NPHP1: variants seen among roughly 807,000 people sequenced by gnomAD.
The protein encoded by NPHP1 is nephrocystin 1.
Under a neutral mutation model 90.4 loss-of-function variants are expected in NPHP1, and 70 were observed. The observed-to-expected ratio is 0.77, with a 90% CI of 0.64 to 0.95. The LOEUF (loss-of-function observed/expected upper bound fraction) is 0.95, where lower values mean the gene tolerates loss of function less well. Ranked by LOEUF, NPHP1 falls within the 40% of genes least tolerant of loss-of-function variation. The probability of loss-of-function intolerance (pLI) is 0.00; values close to 1 mark genes in which losing one functional copy is unlikely to be tolerated. For synonymous variants in NPHP1, 256 were observed against 271.7 expected (o/e 0.94, Z 0.57); for missense variants, 764 against 795.9 (o/e 0.96, Z 0.48).
intron 4 of NPHP1, among the ~76,000 whole-genome samples, chr2:110,177,744 ATT>A (rs60724853): frequency 6.8e-6 from 1 of 146,006 alleles, no homozygotes; most frequent in African/African-American, 2.5e-5. Context: ...CCCTACTTCA[ATT>A]TTTTTTTTTT....
Position 110,179,694 on chromosome 2 carries a change from G to GAA in NPHP1, c.144-12_144-11dup, listed in dbSNP as rs762119782. On this transcript the variant is annotated splice_polypyrimidine_tract_variant and intron_variant, in intron 2 of 19. Transcript: ENST00000445609. ...CTTTAACTGGATACATCTAAATTAA[G>GAA]AAAAAAAAGAAAATATATTGATTTT... 1 of 1,102,852 alleles carries GAA rather than the reference G, an allele frequency of 9.1e-7. No individual in the cohort carries two copies. Among genetic ancestry groups the GAA allele is most frequent in the Non-Finnish European group, 1.4e-6 (1 of 738,948 alleles). 68.3% of individuals were successfully genotyped at this position (1,102,852 alleles called of 1,614,324 possible). A position where few individuals can be genotyped will look rare whatever the true frequency, so the allele number is the denominator to read the frequency against.
At position 110,197,638 on chromosome 2, in the gene NPHP1, T is replaced by C. The variant is rs188577521; in HGVS notation, c.143+3783A>G. Among the ~76,000 whole-genome samples, 126 of 152,194 alleles carry C rather than the reference T, an allele frequency of 8.3e-4. 1 individual carries two copies. In the East Asian group the frequency reaches 0.015, roughly 18 times the overall value. ...ACTGAGGGTATGGACTTTGTAACCA[T>C]GAGGAGAGACATCACCAACAAGCAA... On this transcript the variant is annotated intron_variant, in intron 2 of 19. Coordinates refer to ENST00000445609, the MANE Select transcript of NPHP1 (RefSeq NM_001128178.3).
intron 2 of NPHP1, 30 bp downstream of exon 2, chr2:110,201,391 G>A (rs1423797585): frequency 4.2e-6 from 6 of 1,425,036 alleles, no homozygotes; most frequent in Non-Finnish European, 5.9e-6. Context: ...TGCGGTTCCT[G>A]TAAAGCTTAT....
chr2:110,172,962 CTTTT>C (rs559012343), intron 4 of NPHP1, among the ~76,000 whole-genome samples: 1 of 136,094 alleles, frequency 7.3e-6, no homozygotes, highest in Non-Finnish European at 1.6e-5. Flanking sequence ...TTTTCTTTTT[CTTTT>C]TTTTTTTTTT....
At chr2:110,143,735 G>C in intron 15 of NPHP1, 94 bp from the exon 16 acceptor site, 1 of 861,464 alleles carries the variant, frequency 1.2e-6, no homozygotes, top group East Asian at 2.5e-5. Context: ...ATACCACCCA[G>C]TAGTGCTGAA....
chr2:110,162,585 G>A (rs1682423746), intron 9 of NPHP1, among the ~76,000 whole-genome samples: 1 of 152,136 alleles, frequency 6.6e-6, no homozygotes. Context: ...AGCCAAGAAT[G>A]AGTAAGGAAA....
intron 14 of NPHP1, 61 bp downstream of exon 14, chr2:110,146,692 G>C: frequency 1.7e-6 from 2 of 1,207,350 alleles, no homozygotes; most frequent in South Asian, 1.2e-5. Context: ...GAGGTATCAA[G>C]AGTCTAAAAA....
At chr2:110,203,240 A>G (rs1228984957) in intron 1 of NPHP1, among the ~76,000 whole-genome samples, 3 of 151,718 alleles carry the variant, frequency 2.0e-5, no homozygotes, top group Admixed American at 6.6e-5. Context: ...AGCAATGGAC[A>G]CTGGTGACTG....
intron 2 of NPHP1, among the ~76,000 whole-genome samples, chr2:110,190,477 G>A (rs1197577372): frequency 6.6e-6 from 1 of 152,190 alleles, no homozygotes; most frequent in Non-Finnish European, 1.5e-5. Context: ...TGGCTGGCTG[G>A]CCGCTCCAAG....
At chr2:110,180,103 C>T (rs1683783217) in intron 2 of NPHP1, among the ~76,000 whole-genome samples, 2 of 152,084 alleles carry the variant, frequency 1.3e-5, no homozygotes, top group South Asian at 2.1e-4. Flanking sequence ...TCATAACAAC[C>T]CTCACTCCAC....
chr2:110,196,276 A>G (rs1685159145), intron 2 of NPHP1, among the ~76,000 whole-genome samples: 1 of 152,186 alleles, frequency 6.6e-6, no homozygotes, highest in Non-Finnish European at 1.5e-5. Context: ...GCTAATATAC[A>G]GAATCTACAA....
chr2:110,129,390 T>C, intron 17 of NPHP1, 131 bp from the exon 18 acceptor site: 1 of 767,866 alleles, frequency 1.3e-6, no homozygotes, highest in Non-Finnish European at 2.3e-6. Flanking sequence ...CTACACACTT[T>C]GACTTCTAGG....
At chr2:110,185,268 C>CTG in intron 2 of NPHP1, 1 of 471,378 alleles carries the variant, frequency 2.1e-6, no homozygotes, top group Non-Finnish European at 4.2e-6. Context: ...GAGGAATTGC[C>CTG]TGTGTGTGTG....
intron 11 of NPHP1, 61 bp from the exon 12 acceptor site, chr2:110,150,317 C>A: frequency 2.0e-6 from 3 of 1,498,500 alleles, no homozygotes; most frequent in African/African-American, 1.4e-5. Context: ...TCACCATTTC[C>A]ATGTCCCAAA....
chr2:110,177,909 G>GT (rs1683616247), intron 4 of NPHP1: 1 of 158,344 alleles, frequency 6.3e-6, no homozygotes, highest in African/African-American at 2.4e-5. Context: ...AGCCTGACTA[G>GT]TTTGGGTTTT....
intron 16 of NPHP1, among the ~76,000 whole-genome samples, chr2:110,133,092 C>T (rs1349648106): frequency 6.6e-6 from 1 of 151,972 alleles, no homozygotes; most frequent in Non-Finnish European, 1.5e-5. Context: ...AAATTAGACT[C>T]CTCAATCAAA....
chr2:110,165,950 A>C (rs1682701381), intron 6 of NPHP1, among the ~76,000 whole-genome samples: 1 of 152,190 alleles, frequency 6.6e-6, no homozygotes, highest in African/African-American at 2.4e-5. Context: ...GAAAACCGAA[A>C]GTGCCATTCG....
intron 2 of NPHP1, among the ~76,000 whole-genome samples, chr2:110,185,957 T>A (rs184676995): frequency 2.0e-5 from 3 of 152,306 alleles, no homozygotes; most frequent in Non-Finnish European, 4.4e-5. Flanking sequence ...CTTGTTGCAA[T>A]GCCATCTTCA....
chr2:110,159,879 A>C (rs1434034797), intron 11 of NPHP1, among the ~76,000 whole-genome samples: 1 of 151,976 alleles, frequency 6.6e-6, no homozygotes, highest in Non-Finnish European at 1.5e-5. Context: ...GCTAGCTTAG[A>C]TCACTGACTT....
Sources: allele counts gnomAD v4.1 joint callset (sites outside exome capture counted in the v4.1 genomes callset), GRCh38; gene constraint gnomAD v4.1.1; transcripts MANE v1.5; gene names NCBI Gene and HGNC (gene_info 2026-07-23, HGNC 2026-07-21).